The following DCLK1 variants were observed in gnomAD, a reference collection of about 807,000 sequenced individuals.
The protein encoded by DCLK1 is serine/threonine-protein kinase DCLK1.
DCLK1 carries 16 observed loss-of-function variants against 86.2 expected under a neutral mutation model. The observed-to-expected ratio is 0.19, with a 90% CI of 0.13 to 0.28. DCLK1 has a LOEUF of 0.28. DCLK1 is among the 10% of genes least tolerant of loss of function. The pLI, the probability that DCLK1 is intolerant of heterozygous loss-of-function variation, is 1.00. For missense variants in DCLK1, 590 were observed against 940.2 expected, an observed-to-expected ratio of 0.63 and a Z score of 4.87; for synonymous variants, 369 against 370.5, an observed-to-expected ratio of 1.00 and a Z score of 0.05.
At chr13:36,070,348 T>G (rs541906645) in intron 3 of DCLK1, among the ~76,000 whole-genome samples, 13 of 152,314 alleles carry the variant, frequency 8.5e-5, no homozygotes, top group African/African-American at 3.1e-4. Flanking sequence ...GGCTGAGTAC[T>G]CTATAAACGT....
At chr13:35,785,904 A>G (rs2086613543) in intron 16 of DCLK1, among the ~76,000 whole-genome samples, 1 of 152,222 alleles carries the variant, frequency 6.6e-6, no homozygotes, top group Admixed American at 6.5e-5. Flanking sequence ...AAATGGCATT[A>G]TAAAACTTCC....
chr13:35,979,955 C>A (rs1258320883), intron 3 of DCLK1, among the ~76,000 whole-genome samples: 1 of 152,136 alleles, frequency 6.6e-6, no homozygotes, highest in Non-Finnish European at 1.5e-5. Context: ...TAACAAAATC[C>A]CATCTACTTG....
chr13:35,855,505 C>T, intron 5 of DCLK1: 1 of 1,606,004 alleles, frequency 6.2e-7, no homozygotes, highest in Non-Finnish European at 8.5e-7. Flanking sequence ...ATGCATTTCA[C>T]TTACCTTCTA....
In DCLK1 at chr13:35,808,248, C is replaced by G; in HGVS notation, c.1839G>C (p.Trp613Cys). The G allele has an allele frequency of 6.2e-7, 1 of 1,613,950 alleles. No homozygotes were observed. Among genetic ancestry groups the G allele is most frequent in the Non-Finnish European group, 8.5e-7 (1 of 1,179,946 alleles). The change falls in exon 14 of 17, where the codon TGG becomes TGC. Residue 613 changes from tryptophan (W) to cysteine (C), a missense_variant. Trp to Cys is a radical substitution (Grantham distance 215, BLOSUM62 -2). This residue lies in a region of DCLK1 where 146 missense variants were observed against 190.2 expected (regional missense o/e 0.77). Coordinates refer to ENST00000360631, the MANE Select transcript of DCLK1 (RefSeq NM_001330071.2). ...CCTTTGCAGAATCGGAAACATTATC[C>G]CAGTATGGAGAAGGAAAGTCCACCT... ...MGQVDFPSPY[W>C]DNVSDSAKEL...
At chr13:36,089,702 T>A (rs1884747238) in intron 3 of DCLK1, among the ~76,000 whole-genome samples, 1 of 152,232 alleles carries the variant, frequency 6.6e-6, no homozygotes, top group Admixed American at 6.5e-5. Context: ...AGTCACTGAA[T>A]CTTGCCTCAC....
In DCLK1 at chr13:36,056,907, AT is replaced by A. The variant is rs67407906; in HGVS notation, c.723+54961del. Among the ~76,000 whole-genome samples the A allele has an allele frequency of 8.4e-3, 814 of 97,450 alleles. 7 individuals are homozygous for A. Among genetic ancestry groups the A allele is most frequent in the African/African-American group, 0.012 (321 of 26,932 alleles). 63.9% of individuals were successfully genotyped at this position (97,450 alleles called of 152,430 possible). A position where few individuals can be genotyped will look rare whatever the true frequency, so the allele number is the denominator to read the frequency against. ...CAAGACTGTGACAAAAAAAAAAAAA[AT>A]ATATATATATATATATATACACACA... is the stretch of plus-strand genomic sequence containing the variant. On this transcript the variant is annotated intron_variant, in intron 3 of 16. Coordinates refer to ENST00000360631, the MANE Select transcript of DCLK1 (RefSeq NM_001330071.2).
chr13:35,791,089 T>C (rs2086700267), intron 16 of DCLK1, among the ~76,000 whole-genome samples: 1 of 152,158 alleles, frequency 6.6e-6, no homozygotes, highest in Non-Finnish European at 1.5e-5. Context: ...CTCATGTACA[T>C]AGTATGGTAG....
Position 36,112,219 on chromosome 13 carries a change from A to C in DCLK1, c.377-4T>G. 6.5e-7 allele frequency: 1 copy of C among 1,533,082 alleles called. No individual in the cohort carries two copies. The highest frequency in any genetic ancestry group is 8.8e-7 in the Non-Finnish European group (1 of 1,135,150). 95.0% of individuals were successfully genotyped at this position (1,533,082 alleles called of 1,614,324 possible). ...GAGCCACATACATAACTCTCTCCTA[A>C]GGAAGAGAGAAATATATTTAAATTT... On this transcript the variant is annotated splice_region_variant and splice_polypyrimidine_tract_variant and intron_variant, in intron 2 of 16. Coordinates refer to ENST00000360631, the MANE Select transcript of DCLK1 (RefSeq NM_001330071.2).
At chr13:35,783,837 C>T (rs1242057564) in intron 16 of DCLK1, among the ~76,000 whole-genome samples, 1 of 152,146 alleles carries the variant, frequency 6.6e-6, no homozygotes, top group East Asian at 1.9e-4. Flanking sequence ...CCACCCAACT[C>T]GGCCTCCCAA....
intron 3 of DCLK1, among the ~76,000 whole-genome samples, chr13:35,990,139 T>C (rs1287241121): frequency 6.6e-6 from 1 of 152,208 alleles, no homozygotes; most frequent in Non-Finnish European, 1.5e-5. Flanking sequence ...CCCAACAATG[T>C]CTTCCTATTT....
At chr13:36,041,728 C>T (rs985181267) in intron 3 of DCLK1, among the ~76,000 whole-genome samples, 3 of 152,066 alleles carry the variant, frequency 2.0e-5, no homozygotes, top group Non-Finnish European at 4.4e-5. Flanking sequence ...AGTTTATTCA[C>T]GGTGCTTTTA....
rs752578053 is a variant in DCLK1, at chr13:36,126,178, G to A, written c.-19-22C>T. Reference sequence around the variant, plus strand: ...GGACCTACGAGCCCCAGAAACAAAAGCAGACACACATATTGATGTAGGTTA... The same window carrying A: ...GGACCTACGAGCCCCAGAAACAAAAACAGACACACATATTGATGTAGGTTA... On this transcript the variant is annotated intron_variant, in intron 1 of 16. Coordinates refer to ENST00000360631, the MANE Select transcript of DCLK1 (RefSeq NM_001330071.2). 6 of 1,528,256 alleles carry A rather than the reference G, an allele frequency of 3.9e-6. No individual in the cohort carries two copies. The South Asian group carries it at 6.4e-5, about 16-fold the overall frequency. The allele number at this position is 1,528,256 out of a possible 1,614,324, so 94.7% of individuals were successfully genotyped here. A position where few individuals can be genotyped will look rare whatever the true frequency, so the allele number is the denominator to read the frequency against.
chr13:36,058,362 G>A (rs553904383), intron 3 of DCLK1, among the ~76,000 whole-genome samples: 27 of 152,294 alleles, frequency 1.8e-4, no homozygotes, highest in Admixed American at 4.6e-4. Context: ...TGAGGAGCAA[G>A]AATGAATTTT....
At chr13:36,118,626 A>G (rs961918830) in intron 2 of DCLK1, among the ~76,000 whole-genome samples, 1 of 152,132 alleles carries the variant, frequency 6.6e-6, no homozygotes, top group Non-Finnish European at 1.5e-5. Context: ...AGAGAAAACA[A>G]GTTGGAGAAA....
intron 16 of DCLK1, among the ~76,000 whole-genome samples, chr13:35,790,357 C>T (rs1028833711): frequency 6.6e-6 from 1 of 151,976 alleles, no homozygotes; most frequent in African/African-American, 2.4e-5. Flanking sequence ...TTGGTGATCT[C>T]CAGCAGGTAG....
chr13:36,009,734 T>C (rs1056328057), intron 3 of DCLK1, among the ~76,000 whole-genome samples: 1 of 119,240 alleles, frequency 8.4e-6, no homozygotes, highest in African/African-American at 3.3e-5. Flanking sequence ...ATATGAACTT[T>C]AAAGTAGTTT....
chr13:36,068,912 G>A (rs1237551415), intron 3 of DCLK1, among the ~76,000 whole-genome samples: 1 of 152,146 alleles, frequency 6.6e-6, no homozygotes, highest in African/African-American at 2.4e-5. Context: ...GGTAAGCCAA[G>A]ACCAAGGAAA....
intron 16 of DCLK1, among the ~76,000 whole-genome samples, chr13:35,790,681 AATG>A (rs1411484743): frequency 6.6e-6 from 1 of 152,184 alleles, no homozygotes; most frequent in Admixed American, 6.5e-5. Flanking sequence ...CTGAACTTTT[AATG>A]ATGTGAGCAA....
chr13:35,794,661 GCTCTCCTAGACCCT>G (rs1329558451), intron 15 of DCLK1, among the ~76,000 whole-genome samples: 1 of 152,234 alleles, frequency 6.6e-6, no homozygotes, highest in Non-Finnish European at 1.5e-5. Context: ...CATGGGCCCT[GCTCTCCTAGACCCT>G]CTGCTCCATT....
Sources: allele counts gnomAD v4.1 joint callset (sites outside exome capture counted in the v4.1 genomes callset), GRCh38; gene constraint gnomAD v4.1.1; regional missense constraint gnomAD v4.1.1; transcripts MANE v1.5; gene names NCBI Gene and HGNC (gene_info 2026-07-23, HGNC 2026-07-21).